The following ANXA4 variants were observed in gnomAD, a reference collection of about 807,000 sequenced individuals.
The protein encoded by ANXA4 is annexin A4, also known as 35-beta calcimedin.
A neutral mutation model predicts 49.8 loss-of-function variants in ANXA4; 39 were observed. The ratio of observed to expected loss-of-function variants is 0.78; its 90% CI spans 0.61 to 1.02. The LOEUF is 1.02. Among genes scored for constraint, ANXA4 ranks in the 50% least tolerant of loss-of-function variants. The pLI is 0.00. For synonymous variants in ANXA4, 134 were observed against 152.5 expected, an observed-to-expected ratio of 0.88 and a Z score of 0.89; for missense variants, 360 against 410.1, an observed-to-expected ratio of 0.88 and a Z score of 1.05.
At chr2:69,681,420 C>T (rs1677595777) in intron 2 of ANXA4, among the ~76,000 whole-genome samples, 4 of 149,406 alleles carry the variant, frequency 2.7e-5, no homozygotes. Flanking sequence ...GCTGGAGTGC[C>T]GTGGTGCAAT....
chr2:69,793,225 C>G (rs1032152366), intron 3 of ANXA4, among the ~76,000 whole-genome samples: 1 of 135,940 alleles, frequency 7.4e-6, no homozygotes, highest in Non-Finnish European at 1.5e-5. Flanking sequence ...GCACTCCAGT[C>G]TGGCGACAGA....
rs569351254 is a variant in ANXA4, at chr2:69,724,579, T to C, written n.864+3708T>C. Among the ~76,000 whole-genome samples the C allele has an allele frequency of 1.4e-4, 21 of 152,300 alleles. 1 individual carries two copies. In the South Asian group the frequency reaches 4.1e-3, roughly 30 times the overall value. On this transcript the variant is annotated intron_variant and non_coding_transcript_variant, in intron 3 of 3. Transcript: ENST00000418066. Reference sequence around the variant, plus strand: ...AAAGAGCCCCCTCAATTCTCTTCAGTGTCAAAGCATCTTTTCAGAAGATCC... The same window carrying C: ...AAAGAGCCCCCTCAATTCTCTTCAGCGTCAAAGCATCTTTTCAGAAGATCC...
rs974965832 is a variant in ANXA4, at chr2:69,647,231, G to A, written n.481+2326G>A. ...GAGTCTACACTTCCCAGCCTGTCAG[G>A]ATCACCAGCCTGCAGGCTGCAACCC... On this transcript the variant is annotated intron_variant and non_coding_transcript_variant, in intron 1 of 3. Transcript: ENST00000418066. Among the ~76,000 whole-genome samples the A allele has an allele frequency of 2.6e-5, 4 of 152,008 alleles. No individual in the cohort carries two copies. The South Asian group carries it at 8.3e-4, about 32-fold the overall frequency.
intron 2 of ANXA4, among the ~76,000 whole-genome samples, chr2:69,785,551 T>TTGATGATGATGATGATGA (rs10689485): frequency 0.031 from 4,693 of 150,836 alleles, 116 homozygotes; most frequent in East Asian, 0.077. Context: ...GAAGTTCTCT[T>TTGATGATGATGATGATGA]TGATGATGAT....
chr2:69,748,822 C>T (rs1220301495), intron 1 of ANXA4, among the ~76,000 whole-genome samples: 1 of 151,750 alleles, frequency 6.6e-6, no homozygotes, highest in Non-Finnish European at 1.5e-5. Context: ...GGGATCCTCC[C>T]ATCTCAGCCT....
At chr2:69,746,305 C>T (rs546326355) in intron 1 of ANXA4, among the ~76,000 whole-genome samples, 26 of 152,240 alleles carry the variant, frequency 1.7e-4, no homozygotes, top group African/African-American at 6.3e-4. Context: ...CCACTGCGCC[C>T]GGCCAAGGAT....
chr2:69,725,919 T>A (rs1669952835), intron 3 of ANXA4, among the ~76,000 whole-genome samples: 1 of 152,242 alleles, frequency 6.6e-6, no homozygotes, highest in Non-Finnish European at 1.5e-5. Context: ...CATCACTTCA[T>A]GATTTGGTTC....
chr2:69,744,462 T>C (rs1335230691), intron 1 of ANXA4, among the ~76,000 whole-genome samples: 1 of 152,216 alleles, frequency 6.6e-6, no homozygotes, highest in Non-Finnish European at 1.5e-5. Context: ...CTTTTAAATC[T>C]AAAACAAGAA....
chr2:69,671,590 G>A (rs1677190638), intron 2 of ANXA4, among the ~76,000 whole-genome samples: 1 of 152,176 alleles, frequency 6.6e-6, no homozygotes, highest in Admixed American at 6.5e-5. Flanking sequence ...AGGTGTAGTG[G>A]CGCATGCCTG....
chr2:69,745,125 G>A (rs924131794), intron 1 of ANXA4, among the ~76,000 whole-genome samples: 1 of 152,122 alleles, frequency 6.6e-6, no homozygotes, highest in Non-Finnish European at 1.5e-5. Context: ...AAATAAGTTT[G>A]CAGTGAGTGT....
chr2:69,723,661 T>C (rs916097325), intron 3 of ANXA4, among the ~76,000 whole-genome samples: 1 of 152,248 alleles, frequency 6.6e-6, no homozygotes, highest in Non-Finnish European at 1.5e-5. Context: ...ACTTTGGATG[T>C]CCAATCCCAC....
At chr2:69,780,355 C>T (rs1009376812) in intron 1 of ANXA4, among the ~76,000 whole-genome samples, 2 of 152,150 alleles carry the variant, frequency 1.3e-5, no homozygotes, top group Non-Finnish European at 2.9e-5. Context: ...CCACTACCCC[C>T]CAGCTAATTT....
At chr2:69,788,762 C>A (rs1252941109) in intron 3 of ANXA4, among the ~76,000 whole-genome samples, 1 of 150,160 alleles carries the variant, frequency 6.7e-6, no homozygotes, top group Admixed American at 6.7e-5. Flanking sequence ...GGCGTGAACC[C>A]GGGAGGTGGA....
rs112618606 is a variant in ANXA4 at position 69,708,533 on chromosome 2, A to AAGAGAG, written n.767-12225_767-12220dup. ...TCACTTGAGCCTGGGAGAAGAAAGA[A>AAGAGAG]AGAGAGAGAGAGAGAGAGAGAAGTA... On this transcript the variant is annotated intron_variant and non_coding_transcript_variant, in intron 2 of 3. Coordinates refer to the ANXA4 transcript ENST00000418066. Among the ~76,000 whole-genome samples the AAGAGAG allele has an allele frequency of 3.2e-4, 48 of 149,506 alleles. No individual in the cohort carries two copies. In the East Asian group the frequency reaches 6.8e-3, roughly 21 times the overall value.
intron 1 of ANXA4, among the ~76,000 whole-genome samples, chr2:69,743,837 CA>C (rs1462796583): frequency 1.3e-5 from 2 of 152,140 alleles, no homozygotes; most frequent in Non-Finnish European, 2.9e-5. Flanking sequence ...TCTCTGCAAG[CA>C]ATTTAGAGAG....
chr2:69,742,817 T>C (rs904656195), intron 1 of ANXA4, among the ~76,000 whole-genome samples: 8 of 152,152 alleles, frequency 5.3e-5, no homozygotes, highest in Admixed American at 3.9e-4. Flanking sequence ...CCCGGGGCAA[T>C]GCAAGTCTTC....
chr2:69,724,362 C>T (rs528912339), intron 3 of ANXA4, among the ~76,000 whole-genome samples: 3 of 152,136 alleles, frequency 2.0e-5, no homozygotes, highest in Admixed American at 6.5e-5. Context: ...CAGGGAGGGC[C>T]GCTGAAAAAC....
intron 3 of ANXA4, chr2:69,803,252 A>G (rs1222166940): frequency 6.6e-6 from 1 of 151,978 alleles, no homozygotes; most frequent in African/African-American, 2.4e-5. Context: ...TTAAAGTTCT[A>G]TAGCTTCCTC....
intron 1 of ANXA4, among the ~76,000 whole-genome samples, chr2:69,769,090 A>T (rs1201164912): frequency 6.6e-6 from 1 of 152,230 alleles, no homozygotes; most frequent in Non-Finnish European, 1.5e-5. Flanking sequence ...ATTATATCTG[A>T]AGCAAGTTGA....
Sources: gnomAD v4.1 joint callset for allele counts (sites outside exome capture counted in the v4.1 genomes callset) on GRCh38, gnomAD v4.1.1 for gene constraint, MANE v1.5 for transcripts, NCBI Gene and HGNC (gene_info 2026-07-23, HGNC 2026-07-21) for gene names.